Variants in SYNRG observed in about 807,000 individuals in gnomAD.
The protein encoded by SYNRG is AP1 gamma subunit binding protein 1.
A neutral mutation model predicts 130.9 loss-of-function variants in SYNRG; 37 were observed. The observed-to-expected ratio is 0.28, with a 90% CI of 0.22 to 0.37. The LOEUF (loss-of-function observed/expected upper bound fraction) is 0.37. Ranked by LOEUF, SYNRG falls within the 10% of genes least tolerant of loss-of-function variation. The pLI is 1.00. For synonymous variants in SYNRG, 539 were observed against 568.1 expected (o/e 0.95, Z 0.73); for missense variants, 1,338 against 1,588.9 (o/e 0.84, Z 2.68).
chr17:37,603,751 A>G (rs937849182), intron 1 of SYNRG, among the ~76,000 whole-genome samples: 1 of 152,244 alleles, frequency 6.6e-6, no homozygotes, highest in Admixed American at 6.5e-5. Context: ...TTGTGGTTCA[A>G]TTTATGGACT....
chr17:37,597,263 C>G (rs191918757), intron 2 of SYNRG, among the ~76,000 whole-genome samples: 1 of 152,326 alleles, frequency 6.6e-6, no homozygotes, highest in East Asian at 1.9e-4. Flanking sequence ...TGACTGCAAG[C>G]CTGGCTGACA....
chr17:37,562,225 G>T (rs1310300144), intron 11 of SYNRG, among the ~76,000 whole-genome samples: 1 of 152,200 alleles, frequency 6.6e-6, no homozygotes, highest in African/African-American at 2.4e-5. Flanking sequence ...CACATCAGCG[G>T]TTCTAGAAGC....
In SYNRG at chr17:37,533,523, G is replaced by C. The variant is rs375580020; in HGVS notation, c.3666+2456C>G. Among the ~76,000 whole-genome samples, 109 of 150,978 alleles carry C rather than the reference G, an allele frequency of 7.2e-4. 1 individual carries two copies. The highest frequency in any genetic ancestry group is 2.6e-3 in the African/African-American group (108 of 41,216). ...AGAAGTTCAAAAGTGATAAGGGCTT[G>C]AATTAGTTAATAATTTTTTTAAAAA... is the stretch of plus-strand genomic sequence containing the variant. On this transcript the variant is annotated intron_variant, in intron 19 of 21. Coordinates refer to ENST00000612223, the MANE Select transcript of SYNRG (RefSeq NM_007247.6).
chr17:37,537,573 T>C (rs1403743902), intron 18 of SYNRG: 1 of 152,304 alleles, frequency 6.6e-6, no homozygotes, highest in Non-Finnish European at 1.5e-5. Context: ...GACGCTGCAG[T>C]GAGTCATGAC....
intron 19 of SYNRG, chr17:37,529,682 T>C: frequency 9.2e-7 from 1 of 1,084,474 alleles, no homozygotes; most frequent in South Asian, 1.5e-5. Flanking sequence ...TGAGAGGAGC[T>C]ACCTCAAGAA....
At chr17:37,567,183 TA>T (rs2060062023) in intron 11 of SYNRG, 1 of 152,322 alleles carries the variant, frequency 6.6e-6, no homozygotes, top group Admixed American at 6.5e-5. Flanking sequence ...GGCTGGAGTG[TA>T]AGTCATGGGG....
chr17:37,569,525 G>A (rs2060256958), intron 10 of SYNRG, among the ~76,000 whole-genome samples: 1 of 149,808 alleles, frequency 6.7e-6, no homozygotes, highest in Non-Finnish European at 1.5e-5. Context: ...TGTGGTGGCG[G>A]GCACCTGTAA....
At position 37,541,816 on chromosome 17, in the gene SYNRG, A is replaced by G. The variant is rs986633375; in HGVS notation, c.3202+156T>C. Reference sequence around the variant, plus strand: ...CTGATTTTGACTCCCGTCTCAGGGAAATCTTTATTATAGCTATCTGTAATT... The same window carrying G: ...CTGATTTTGACTCCCGTCTCAGGGAGATCTTTATTATAGCTATCTGTAATT... On this transcript the variant is annotated intron_variant, in intron 15 of 21. Transcript: ENST00000612223. 1.1e-5 allele frequency: 8 copies of G among 744,484 alleles called. No individual in the cohort carries two copies. The Admixed American group carries it at 2.0e-4, about 19-fold the overall frequency. The allele number at this position is 744,484 out of a possible 1,614,324, so 46.1% of individuals were successfully genotyped here. A position where few individuals can be genotyped will look rare whatever the true frequency, so the allele number is the denominator to read the frequency against.
intron 2 of SYNRG, among the ~76,000 whole-genome samples, chr17:37,597,310 A>C (rs550424322): frequency 3.3e-4 from 51 of 152,300 alleles, no homozygotes; most frequent in African/African-American, 1.0e-3. Context: ...TTGAGCCTGA[A>C]CCACCCAGCA....
intron 14 of SYNRG, among the ~76,000 whole-genome samples, chr17:37,546,224 T>C (rs1001270332): frequency 6.6e-5 from 10 of 152,188 alleles, no homozygotes; most frequent in Non-Finnish European, 1.5e-4. Flanking sequence ...GAAGCTAGTA[T>C]AGATGGATTT....
At chr17:37,608,282 T>G (rs151210002) in intron 1 of SYNRG, among the ~76,000 whole-genome samples, 144 of 152,198 alleles carry the variant, frequency 9.5e-4, no homozygotes, top group African/African-American at 2.9e-3. Flanking sequence ...GACTCCGAAA[T>G]TGAAACACTG....
chr17:37,535,656 T>C (rs993648793), intron 19 of SYNRG, among the ~76,000 whole-genome samples: 2 of 152,246 alleles, frequency 1.3e-5, no homozygotes, highest in African/African-American at 4.8e-5. Context: ...TATGGGGACA[T>C]AAATAACTAG....
At chr17:37,562,324 G>A (rs1299208722) in intron 11 of SYNRG, among the ~76,000 whole-genome samples, 3 of 152,216 alleles carry the variant, frequency 2.0e-5, no homozygotes, top group Non-Finnish European at 4.4e-5. Context: ...GAAAAATAGC[G>A]TAATGAGTAG....
intron 9 of SYNRG, 53 bp from the exon 10 acceptor site, chr17:37,570,938 G>C (rs566674569): frequency 4.8e-5 from 74 of 1,550,374 alleles, no homozygotes; most frequent in Non-Finnish European, 6.0e-5. Flanking sequence ...ACATACGGTC[G>C]AAATCTGGCA....
At chr17:37,543,847 T>A (rs1036097677) in intron 14 of SYNRG, among the ~76,000 whole-genome samples, 2 of 152,142 alleles carry the variant, frequency 1.3e-5, no homozygotes, top group African/African-American at 4.8e-5. Context: ...TGTGGAGAAG[T>A]GGGTTGATAT....
At chr17:37,565,643 G>A (rs1188180291) in intron 11 of SYNRG, among the ~76,000 whole-genome samples, 2 of 150,680 alleles carry the variant, frequency 1.3e-5, no homozygotes, top group Admixed American at 6.6e-5. Context: ...AGTGAGGAGC[G>A]TCTCTGCCCG....
intron 9 of SYNRG, 28 bp downstream of exon 9, chr17:37,571,763 T>G: frequency 2.6e-6 from 4 of 1,563,516 alleles, no homozygotes; most frequent in Non-Finnish European, 3.5e-6. Flanking sequence ...ATAAAGTTAT[T>G]TGATCTAACT....
At chr17:37,577,695 CTTTTTT>C (rs34008016) in intron 6 of SYNRG, 82 bp from the exon 7 acceptor site, 126 of 584,220 alleles carry the variant, frequency 2.2e-4, no homozygotes, top group Middle Eastern at 4.8e-4. Flanking sequence ...CCCCCATATT[CTTTTTT>C]TTTTTTTTTT....
chr17:37,572,731 T>C (rs901797544), intron 8 of SYNRG, among the ~76,000 whole-genome samples: 2 of 152,162 alleles, frequency 1.3e-5, no homozygotes, highest in Non-Finnish European at 2.9e-5. Context: ...GCTACGGAAA[T>C]ACAGCCTTTA....
Sources: gnomAD v4.1 joint callset for allele counts (sites outside exome capture counted in the v4.1 genomes callset) on GRCh38, gnomAD v4.1.1 for gene constraint, MANE v1.5 for transcripts, NCBI Gene and HGNC (gene_info 2026-07-23, HGNC 2026-07-21) for gene names.